The following FOCAD variants were observed in gnomAD, a reference collection of about 807,000 sequenced individuals.
FOCAD encodes the protein focadhesin.
FOCAD carries 198 observed loss-of-function variants against 225.6 expected under a neutral mutation model. The observed-to-expected ratio is 0.88, with a 90% confidence interval of 0.78 to 0.99. The LOEUF is 0.99. Ranked by LOEUF, FOCAD falls within the 50% of genes least tolerant of loss-of-function variation. The pLI, the probability that FOCAD is intolerant of heterozygous loss-of-function variation, is 0.00. For synonymous variants in FOCAD, 897 were observed against 755.0 expected, an observed-to-expected ratio of 1.19 and a Z score of -3.08; for missense variants, 2,713 against 2,123.6, an observed-to-expected ratio of 1.28 and a Z score of -5.46.
intron 1 of FOCAD, among the ~76,000 whole-genome samples, chr9:20,693,173 C>G (rs1222209658): frequency 6.6e-6 from 1 of 152,192 alleles, no homozygotes; most frequent in African/African-American, 2.4e-5. Flanking sequence ...GCCACTCTCT[C>G]TCTCTTACTT....
At chr9:20,772,363 G>T (rs930634824) in intron 8 of FOCAD, among the ~76,000 whole-genome samples, 2 of 152,182 alleles carry the variant, frequency 1.3e-5, no homozygotes, top group Non-Finnish European at 2.9e-5. Context: ...CATTAACTTT[G>T]GGGTGGGGAT....
intron 11 of FOCAD, among the ~76,000 whole-genome samples, chr9:20,809,323 T>G (rs1196892199): frequency 7.9e-5 from 12 of 152,306 alleles, no homozygotes; most frequent in East Asian, 5.8e-4. Context: ...TTTTATGTGG[T>G]AACCACTAGT....
chr9:20,689,401 A>G (rs1445759979), intron 1 of FOCAD, among the ~76,000 whole-genome samples: 1 of 144,732 alleles, frequency 6.9e-6, no homozygotes, highest in Admixed American at 6.8e-5. Flanking sequence ...GGTGATCACT[A>G]TAGATGAGAG....
chr9:20,949,382 G>T (rs538280669), intron 32 of FOCAD, among the ~76,000 whole-genome samples: 5 of 152,236 alleles, frequency 3.3e-5, no homozygotes, highest in African/African-American at 1.2e-4. Flanking sequence ...AGTTGATTGA[G>T]TGATTGCTTA....
intron 21 of FOCAD, among the ~76,000 whole-genome samples, chr9:20,901,337 T>A (rs979453464): frequency 1.3e-5 from 2 of 151,722 alleles, no homozygotes; most frequent in African/African-American, 4.8e-5. Context: ...GTGGCAAACA[T>A]GAAAAATGCC....
chr9:20,982,147 A>G (rs549059853), intron 38 of FOCAD, among the ~76,000 whole-genome samples: 5 of 152,316 alleles, frequency 3.3e-5, no homozygotes, highest in East Asian at 3.9e-4. Flanking sequence ...AGAAAAATGT[A>G]TAGCCAAAAC....
intron 21 of FOCAD, among the ~76,000 whole-genome samples, chr9:20,891,595 A>G (rs1831620126): frequency 6.6e-6 from 1 of 152,214 alleles, no homozygotes; most frequent in East Asian, 1.9e-4. Context: ...TCTAATCTAG[A>G]GGAAGACTCT....
intron 4 of FOCAD, among the ~76,000 whole-genome samples, chr9:20,721,658 C>A (rs1318254411): frequency 1.3e-5 from 2 of 152,076 alleles, no homozygotes; most frequent in Non-Finnish European, 2.9e-5. Flanking sequence ...ACCGAGATTA[C>A]ACCACTGCAC....
chr9:20,987,215 A>G (rs1040644513), intron 40 of FOCAD, among the ~76,000 whole-genome samples: 3 of 152,212 alleles, frequency 2.0e-5, no homozygotes, highest in African/African-American at 7.2e-5. Context: ...AAAAACTGAC[A>G]AACACGATTG....
rs1830711710 is a variant in FOCAD, at chr9:20,882,039, T to C, written c.2486T>C (p.Leu829Pro). 1 of 1,612,990 alleles carries C rather than the reference T, an allele frequency of 6.2e-7. No individual in the cohort carries two copies. Among genetic ancestry groups the C allele is most frequent in the Non-Finnish European group, 8.5e-7 (1 of 1,179,622 alleles). ...TATGAAACAAACAAGCAACCAGGAC[T>C]GAAACCTGGCCTTGCAGGTAAGGGT... is the stretch of plus-strand genomic sequence containing the variant. The part of the protein sequence containing the change: ...KMYETNKQPG[L>P]KPGLAGGMLF... The change falls in exon 20 of 44, where the codon CTG (leucine) becomes CCG (proline). Residue 829 changes from leucine (L) to proline (P), a missense_variant. Coordinates refer to ENST00000338382, the MANE Select transcript of FOCAD (RefSeq NM_001375567.1).
At chr9:20,656,868 A>G (rs1458838711), upstream of FOCAD, among the ~76,000 whole-genome samples, 1 of 151,978 alleles carries the variant, frequency 6.6e-6, no homozygotes, top group Non-Finnish European at 1.5e-5. Flanking sequence ...GTTTCTTCCT[A>G]GTCTTGATGG....
intron 10 of FOCAD, among the ~76,000 whole-genome samples, chr9:20,787,865 A>G (rs764682988): frequency 6.6e-6 from 1 of 152,090 alleles, no homozygotes; most frequent in Non-Finnish European, 1.5e-5. Flanking sequence ...TGTATCTTAT[A>G]TTTTCACTTG....
chr9:20,847,557 A>C (rs1320057182), intron 15 of FOCAD, among the ~76,000 whole-genome samples: 1 of 150,578 alleles, frequency 6.6e-6, no homozygotes, highest in Non-Finnish European at 1.5e-5. Flanking sequence ...CCATATATTT[A>C]GTTGGTGTGA....
intron 7 of FOCAD, among the ~76,000 whole-genome samples, chr9:20,767,757 T>G (rs1830177677): frequency 6.8e-6 from 1 of 147,582 alleles, no homozygotes; most frequent in African/African-American, 2.5e-5. Context: ...TGCGAAAATT[T>G]TCTCCCATTT....
At chr9:20,679,115 CTG>C (rs1221269261) in intron 2 of FOCAD, among the ~76,000 whole-genome samples, 1 of 92,964 alleles carries the variant, frequency 1.1e-5, no homozygotes, top group African/African-American at 4.1e-5. Context: ...AACAGACAGT[CTG>C]TGTATGTGTG....
chr9:20,751,273 T>G (rs1263291387), intron 5 of FOCAD, among the ~76,000 whole-genome samples: 3 of 147,580 alleles, frequency 2.0e-5, no homozygotes, highest in African/African-American at 7.5e-5. Flanking sequence ...ACTCGTCATC[T>G]AGCATTAGGT....
chr9:20,676,107 G>T (rs893600397), intron 2 of FOCAD, among the ~76,000 whole-genome samples: 28 of 152,204 alleles, frequency 1.8e-4, no homozygotes, highest in African/African-American at 6.5e-4. Context: ...AATAAAGCTT[G>T]TGAAAATGTG....
intron 19 of FOCAD, among the ~76,000 whole-genome samples, chr9:20,876,254 T>C (rs1389911392): frequency 6.6e-6 from 1 of 152,140 alleles, no homozygotes; most frequent in African/African-American, 2.4e-5. Context: ...CTTTTCAGAG[T>C]CTAAGGCCTC....
At chr9:20,661,229 C>T (rs1341802795) in intron 2 of FOCAD, among the ~76,000 whole-genome samples, 1 of 152,024 alleles carries the variant, frequency 6.6e-6, no homozygotes, top group Non-Finnish European at 1.5e-5. Flanking sequence ...TGGGAGACAA[C>T]CAAAGACTAG....
Sources: allele counts gnomAD v4.1 joint callset (sites outside exome capture counted in the v4.1 genomes callset), GRCh38; gene constraint gnomAD v4.1.1; transcripts MANE v1.5; gene names NCBI Gene and HGNC (gene_info 2026-07-23, HGNC 2026-07-21).